KLF6: variants seen among roughly 807,000 people sequenced by gnomAD.
KLF6 encodes Krueppel-like factor 6.
For synonymous variants in KLF6, 152 were observed against 147.9 expected, an observed-to-expected ratio of 1.03 and a Z score of -0.20; for missense variants, 233 against 359.8, an observed-to-expected ratio of 0.65 and a Z score of 2.85.
Position 3,781,243 on chromosome 10 carries a change from C to A in KLF6, c.676+398G>T. ...AACCCACACACTCCACGCTGCCCAG[C>A]AACCCTCTGTCCTGACCCTTGAGTT... On this transcript the variant is annotated intron_variant, in intron 2 of 3. Coordinates refer to ENST00000497571, the MANE Select transcript of KLF6 (RefSeq NM_001300.6). This position sits in a 1 kb window ranked among gnomAD's most constrained non-coding sequence, Gnocchi z 5.8. The A allele has an allele frequency of 9.2e-6, 5 of 540,698 alleles. No homozygotes were observed. The highest frequency in any genetic ancestry group is 1.6e-5 in the Non-Finnish European group (5 of 321,162). The allele number at this position is 540,698 out of a possible 1,614,324, so 33.5% of individuals were successfully genotyped here. A position where few individuals can be genotyped will look rare whatever the true frequency, so the allele number is the denominator to read the frequency against.
rs1358173758 is a variant in KLF6, at chr10:3,781,156, T to C, written c.676+485A>G. The C allele has an allele frequency of 1.1e-5, 3 of 266,398 alleles. No homozygotes were observed. The highest frequency in any genetic ancestry group is 2.1e-5 in the Non-Finnish European group (3 of 141,006). 16.5% of individuals were successfully genotyped at this position (266,398 alleles called of 1,614,324 possible). A position where few individuals can be genotyped will look rare whatever the true frequency, so the allele number is the denominator to read the frequency against. Reference sequence around the variant, plus strand: ...GGAGAAGTTCTCAGGAAACACTCGCTGATCAATGCTGCTGCTTACAGAGCA... The same window carrying C: ...GGAGAAGTTCTCAGGAAACACTCGCCGATCAATGCTGCTGCTTACAGAGCA... On this transcript the variant is annotated intron_variant, in intron 2 of 3. Coordinates refer to ENST00000497571, the MANE Select transcript of KLF6 (RefSeq NM_001300.6). This position sits in a 1 kb window ranked among gnomAD's most constrained non-coding sequence, Gnocchi z 5.8.
At position 3,781,825 on chromosome 10, in the gene KLF6, G is replaced by A. The variant is rs773780954; in HGVS notation, c.492C>T (p.Cys164=). The A allele has an allele frequency of 5.6e-6, 9 of 1,614,078 alleles. No individual in the cohort carries two copies. The highest frequency in any genetic ancestry group is 3.3e-5 in the South Asian group (3 of 91,080). ...CTGGCGAGGGCAGCTCCCCGGGCAC[G>A]CAACCCCACAGTTGAGAAGGTTCCC... ...LSREPSQLWG[C]VPGELPSPGK... The change falls in exon 2 of 4, where the codon TGC becomes TGT. Residue 164 remains cysteine (C), a synonymous_variant. Coordinates refer to ENST00000497571, the MANE Select transcript of KLF6 (RefSeq NM_001300.6). This position sits in a 1 kb window ranked among gnomAD's most constrained non-coding sequence, Gnocchi z 5.8.
chr10:3,776,350 T>C lies in KLF6; in HGVS notation c.*3189A>G, dbSNP rs1173355824. 1 of 532,304 alleles carries C rather than the reference T, an allele frequency of 1.9e-6. No homozygotes were observed. The highest frequency in any genetic ancestry group is 1.5e-5 in the South Asian group (1 of 65,150). 33.0% of individuals were successfully genotyped at this position (532,304 alleles called of 1,614,324 possible). ...TCCTTGGAGAAGAGTATTTGATGCA[T>C]TCAGGGAGGGCAATGTCAGGCTCGC... On this transcript the variant is annotated 3_prime_UTR_variant, in exon 4 of 4. Coordinates refer to ENST00000497571, the MANE Select transcript of KLF6 (RefSeq NM_001300.6).
rs1245149124 is a variant in KLF6, at chr10:3,778,808, T to C, written c.*731A>G. 5.6e-6 allele frequency: 3 copies of C among 532,546 alleles called. No individual in the cohort carries two copies. The highest frequency in any genetic ancestry group is 3.9e-5 in the East Asian group (1 of 25,444). The allele number at this position is 532,546 out of a possible 1,614,324, so 33.0% of individuals were successfully genotyped here. A position where few individuals can be genotyped will look rare whatever the true frequency, so the allele number is the denominator to read the frequency against. On this transcript the variant is annotated 3_prime_UTR_variant, in exon 4 of 4. Transcript: ENST00000497571. ...AAGGAAAAGTTAAATTGTTGTGTTA[T>C]ATTTGTAAATACACAGCTTATACAA...
rs772764448 is a variant in KLF6, at chr10:3,782,035, G to A, written c.282C>T (p.Ser94=). The change falls in exon 2 of 4, where the codon AGC becomes AGT. Residue 94 remains serine (S), a synonymous_variant. Coordinates refer to ENST00000497571, the MANE Select transcript of KLF6 (RefSeq NM_001300.6). This position sits in a 1 kb window ranked among gnomAD's most constrained non-coding sequence, Gnocchi z 4.3. Reference sequence around the variant, plus strand: ...TGTTGGTCTCTAAGTTGTAACAAAAGCTCGGGCTGATGAGAGTGTCCTCTG... The same window carrying A: ...TGTTGGTCTCTAAGTTGTAACAAAAACTCGGGCTGATGAGAGTGTCCTCTG... ...SPPEDTLISP[S]FCYNLETNSL... 2 of 1,614,228 alleles carry A rather than the reference G, an allele frequency of 1.2e-6. No homozygotes were observed. Among genetic ancestry groups the A allele is most frequent in the Non-Finnish European group, 1.7e-6 (2 of 1,180,034 alleles).
rs530349823 is a variant in KLF6 at position 3,777,253 on chromosome 10, G to C, written c.*2286C>G. 3 of 515,112 alleles carry C rather than the reference G, an allele frequency of 5.8e-6. No individual in the cohort carries two copies. Among genetic ancestry groups the C allele is most frequent in the Non-Finnish European group, 1.1e-5 (3 of 265,022 alleles). 31.9% of individuals were successfully genotyped at this position (515,112 alleles called of 1,614,324 possible). A position where few individuals can be genotyped will look rare whatever the true frequency, so the allele number is the denominator to read the frequency against. On this transcript the variant is annotated 3_prime_UTR_variant, in exon 4 of 4. Coordinates refer to ENST00000497571, the MANE Select transcript of KLF6 (RefSeq NM_001300.6). ...ATAAAGCAAAGAGCCACACCCACAA[G>C]CCAGCAGCTGGGTGAAATATCAGCT...
chr10:3,779,731 G>T (rs1832479916), intron 3 of KLF6, 141 bp from the exon 4 acceptor site: 6 of 770,802 alleles, frequency 7.8e-6, no homozygotes, highest in Non-Finnish European at 1.4e-5. Flanking sequence ...AGCCTCATCA[G>T]TGTCTTCAGG....
chr10:3,776,555 C>CTGA lies in KLF6; in HGVS notation c.*2981_*2983dup. 1 of 526,534 alleles carries CTGA rather than the reference C, an allele frequency of 1.9e-6. No individual in the cohort carries two copies. Among genetic ancestry groups the CTGA allele is most frequent in the Non-Finnish European group, 3.7e-6 (1 of 271,576 alleles). The allele number at this position is 526,534 out of a possible 1,614,324, so 32.6% of individuals were successfully genotyped here. A position where few individuals can be genotyped will look rare whatever the true frequency, so the allele number is the denominator to read the frequency against. ...AAAAAAAACAACCAGACTCAAGATG[C>CTGA]TGATAAGAATTCTTTTATGTTATTC... On this transcript the variant is annotated 3_prime_UTR_variant, in exon 4 of 4. Transcript: ENST00000497571.
rs759776621 is a variant in KLF6, at chr10:3,777,218, G to GTA, written c.*2319_*2320dup. On this transcript the variant is annotated 3_prime_UTR_variant, in exon 4 of 4. Coordinates refer to ENST00000497571, the MANE Select transcript of KLF6 (RefSeq NM_001300.6). ...CCAGCCCAGCCAGACTCACATGTGTGTATATATATATAAAGCAAAGAGCCA... is the reference window on the plus strand; with the variant it reads ...CCAGCCCAGCCAGACTCACATGTGTGTATATATATATATAAAGCAAAGAGCCA... The GTA allele has an allele frequency of 3.4e-4, 178 of 515,974 alleles. No homozygotes were observed. The highest frequency in any genetic ancestry group is 3.3e-3 in the Middle Eastern group (6 of 1,830). 32.0% of individuals were successfully genotyped at this position (515,974 alleles called of 1,614,324 possible). A position where few individuals can be genotyped will look rare whatever the true frequency, so the allele number is the denominator to read the frequency against.
Position 3,780,554 on chromosome 10 carries a change from C to A in KLF6, c.677-325G>T. On this transcript the variant is annotated intron_variant, in intron 2 of 3. Coordinates refer to ENST00000497571, the MANE Select transcript of KLF6 (RefSeq NM_001300.6). The surrounding 1 kb of genome is among the most constrained non-coding windows in gnomAD (Gnocchi z 4.6). ...TGTCAGCCTGCCGGACCCACAGCCC[C>A]GGCAAAGGCAGAGCTATTGCTTTCT... 1 of 422,130 alleles carries A rather than the reference C, an allele frequency of 2.4e-6. No individual in the cohort carries two copies. The highest frequency in any genetic ancestry group is 4.5e-6 in the Non-Finnish European group (1 of 223,542). The allele number at this position is 422,130 out of a possible 1,614,324, so 26.1% of individuals were successfully genotyped here. A position where few individuals can be genotyped will look rare whatever the true frequency, so the allele number is the denominator to read the frequency against.
chr10:3,784,182 C>T (rs1309859222), intron 1 of KLF6, among the ~76,000 whole-genome samples: 1 of 152,104 alleles, frequency 6.6e-6, no homozygotes, highest in Non-Finnish European at 1.5e-5. Context: ...GCGATGCTAC[C>T]TATAAGCACG....
At position 3,785,032 on chromosome 10, in the gene KLF6, G is replaced by T; in HGVS notation, c.-18C>A. ...ACGTCCATGTCGGGCCGGGTTGGAC[G>T]GAGCCCGCGGTCGCGAGGGCGGCGA... On this transcript the variant is annotated 5_prime_UTR_variant, in exon 1 of 4. Transcript: ENST00000497571. 1 of 1,610,992 alleles carries T rather than the reference G, an allele frequency of 6.2e-7. No homozygotes were observed. Among genetic ancestry groups the T allele is most frequent in the Non-Finnish European group, 8.5e-7 (1 of 1,178,578 alleles).
Position 3,782,517 on chromosome 10 carries a change from A to G in KLF6, c.103-303T>C, listed in dbSNP as rs1442019883. Among the ~76,000 whole-genome samples the G allele has an allele frequency of 1.3e-5, 2 of 152,216 alleles. No individual in the cohort carries two copies. The highest frequency in any genetic ancestry group is 6.5e-5 in the Admixed American group (1 of 15,286). ...AGCCGGTTTTTTTGTTGTAGTTACC[A>G]GTGTTGATGTTTCTCATGAAACCAG... On this transcript the variant is annotated intron_variant, in intron 1 of 3. Coordinates refer to ENST00000497571, the MANE Select transcript of KLF6 (RefSeq NM_001300.6). The surrounding 1 kb of genome is among the most constrained non-coding windows in gnomAD (Gnocchi z 4.3).
In KLF6 at chr10:3,778,262, C is replaced by A. The variant is rs1281246169; in HGVS notation, c.*1277G>T. On this transcript the variant is annotated 3_prime_UTR_variant, in exon 4 of 4. Transcript: ENST00000497571. ...GCATCGCCCACACCCCTGTATGAGA[C>A]CCCCACAGAAGGGATCGCTTGCGTA... 2 of 527,188 alleles carry A rather than the reference C, an allele frequency of 3.8e-6. No homozygotes were observed. Among genetic ancestry groups the A allele is most frequent in the African/African-American group, 1.9e-5 (1 of 53,344 alleles). 32.7% of individuals were successfully genotyped at this position (527,188 alleles called of 1,614,324 possible).
Position 3,776,919 on chromosome 10 carries a change from G to GTTTTTTTTTTTCCTTTTTTTTTTTTTTT in KLF6, c.*2619_*2620insAAAAAAAAAAAAAAAGGAAAAAAAAAAA. The stretch of plus-strand genomic sequence containing the variant: ...TCGTAAGTGAGACAAGCCAGTGCAA[G>GTTTTTTTTTTTCCTTTTTTTTTTTTTTT]TTTTTTTTTTTCCTTTTTTTTTTTT... On this transcript the variant is annotated 3_prime_UTR_variant, in exon 4 of 4. Coordinates refer to ENST00000497571, the MANE Select transcript of KLF6 (RefSeq NM_001300.6). 2 of 432,476 alleles carry GTTTTTTTTTTTCCTTTTTTTTTTTTTTT rather than the reference G, an allele frequency of 4.6e-6. No individual in the cohort carries two copies. The highest frequency in any genetic ancestry group is 3.7e-5 in the South Asian group (2 of 53,754). The allele number at this position is 432,476 out of a possible 1,614,324, so 26.8% of individuals were successfully genotyped here. A position where few individuals can be genotyped will look rare whatever the true frequency, so the allele number is the denominator to read the frequency against.
chr10:3,785,151 C>A lies in KLF6; in HGVS notation c.-137G>T. 6.6e-7 allele frequency: 1 copy of A among 1,513,952 alleles called. No homozygotes were observed. The highest frequency in any genetic ancestry group is 1.2e-5 in the South Asian group (1 of 83,430). 93.8% of individuals were successfully genotyped at this position (1,513,952 alleles called of 1,614,324 possible). On this transcript the variant is annotated 5_prime_UTR_variant, in exon 1 of 4. The change creates a new upstream start codon in the 5' untranslated region. Transcript: ENST00000497571. ...GCTCGCAGAGACGCCCGGCCGGACC[C>A]TCCCGCAGCCCGCAGCGCGCGGAGC...
Position 3,777,468 on chromosome 10 carries a change from C to T in KLF6, c.*2071G>A. 1 of 512,010 alleles carries T rather than the reference C, an allele frequency of 2.0e-6. No homozygotes were observed. The highest frequency in any genetic ancestry group is 3.8e-6 in the Non-Finnish European group (1 of 262,088). 31.7% of individuals were successfully genotyped at this position (512,010 alleles called of 1,614,324 possible). A position where few individuals can be genotyped will look rare whatever the true frequency, so the allele number is the denominator to read the frequency against. On this transcript the variant is annotated 3_prime_UTR_variant, in exon 4 of 4. Coordinates refer to ENST00000497571, the MANE Select transcript of KLF6 (RefSeq NM_001300.6). The stretch of plus-strand genomic sequence containing the variant: ...AATCAAAACCTTAGTGTGTCCGAGT[C>T]CAGCCTGGGTTCCAGCATTCTGTTC...
rs1032036804 is a variant in KLF6, at chr10:3,779,023, TTTTG to T, written c.*512_*515del. 4.3e-5 allele frequency: 23 copies of T among 528,868 alleles called. No individual in the cohort carries two copies. The highest frequency in any genetic ancestry group is 2.4e-4 in the African/African-American group (13 of 53,336). The allele number at this position is 528,868 out of a possible 1,614,324, so 32.8% of individuals were successfully genotyped here. ...CCACCCTCCAAGATTTTCCTTCTTT[TTTTG>T]TTTTTGTTTTTTTGTTTTTTTGATT... On this transcript the variant is annotated 3_prime_UTR_variant, in exon 4 of 4. Coordinates refer to ENST00000497571, the MANE Select transcript of KLF6 (RefSeq NM_001300.6).
In KLF6 at chr10:3,782,042, C is replaced by T. The variant is rs763252895; in HGVS notation, c.275G>A (p.Ser92Asn). The T allele has an allele frequency of 6.2e-7, 1 of 1,614,194 alleles. No homozygotes were observed. The highest frequency in any genetic ancestry group is 1.7e-5 in the Admixed American group (1 of 60,030). The stretch of plus-strand genomic sequence containing the variant: ...CTCTAAGTTGTAACAAAAGCTCGGG[C>T]TGATGAGAGTGTCCTCTGGAGGACT... ...SSSPPEDTLI[S>N]PSFCYNLETN... Residue 92 changes from serine to asparagine, a missense_variant, in exon 2 of 4, where the codon AGC becomes AAC. Coordinates refer to ENST00000497571, the MANE Select transcript of KLF6 (RefSeq NM_001300.6). This position sits in a 1 kb window ranked among gnomAD's most constrained non-coding sequence, Gnocchi z 4.3.
Sources: allele counts gnomAD v4.1 joint callset (sites outside exome capture counted in the v4.1 genomes callset), GRCh38; gene constraint gnomAD v4.1.1; non-coding constraint Gnocchi (gnomAD v3.1); transcripts MANE v1.5; gene names NCBI Gene and HGNC (gene_info 2026-07-23, HGNC 2026-07-21).